The following RSPH9 variants were observed in gnomAD, a reference collection of about 807,000 sequenced individuals.
RSPH9 encodes radial spoke head protein 9 homolog.
A neutral mutation model predicts 27.0 loss-of-function variants in RSPH9; 27 were observed. The observed-to-expected ratio is 1.00, with a 90% CI of 0.74 to 1.38. The LOEUF (loss-of-function observed/expected upper bound fraction) is 1.38, where lower values mean the gene tolerates loss of function less well. RSPH9 is among the 40% of genes most tolerant of loss of function. The probability of loss-of-function intolerance (pLI) is 0.00; values close to 1 mark genes in which losing one functional copy is unlikely to be tolerated. For missense variants in RSPH9, 347 were observed against 357.4 expected, an observed-to-expected ratio of 0.97 and a Z score of 0.24; for synonymous variants, 145 against 147.7, an observed-to-expected ratio of 0.98 and a Z score of 0.13.
chr6:43,658,860 T>C (rs941354375), intron 4 of RSPH9, among the ~76,000 whole-genome samples: 4 of 152,140 alleles, frequency 2.6e-5, no homozygotes, highest in Non-Finnish European at 5.9e-5. Flanking sequence ...AGCTAATTTT[T>C]GTATTTTTAG....
rs1582379576 is a variant in RSPH9 at position 43,650,534 on chromosome 6, A to T, written c.387A>T (p.Glu129Asp). The T allele has an allele frequency of 1.2e-6, 2 of 1,614,066 alleles. No individual in the cohort carries two copies. Among genetic ancestry groups the T allele is most frequent in the Non-Finnish European group, 1.7e-6 (2 of 1,179,966 alleles). The part of the protein sequence containing the change: ...VNEGEKVFEE[E>D]IVVQIKEETR... Reference sequence around the variant, plus strand: ...AAGGTGAAAAAGTCTTTGAAGAAGAAATAGTGGTGAGTGAAGAGGAGAGCA... The same window carrying T: ...AAGGTGAAAAAGTCTTTGAAGAAGATATAGTGGTGAGTGAAGAGGAGAGCA... The change falls in exon 2 of 5, where the codon GAA becomes GAT. Residue 129 changes from glutamate (E) to aspartate (D), a missense_variant. Physicochemically the swap from Glu to Asp is conservative, Grantham distance 45 (BLOSUM62 2). Transcript: ENST00000372163.
At chr6:43,649,120 T>G (rs559096760) in intron 1 of RSPH9, among the ~76,000 whole-genome samples, 1 of 152,144 alleles carries the variant, frequency 6.6e-6, no homozygotes, top group African/African-American at 2.4e-5. Flanking sequence ...CAGCATTTTC[T>G]AGAAGGACAT....
chr6:43,645,356 AG>A (rs777804115), intron 1 of RSPH9, 31 bp downstream of exon 1: 2 of 283,154 alleles, frequency 7.1e-6, no homozygotes, highest in South Asian at 7.9e-5. Flanking sequence ...GGCTCCCCAG[AG>A]GGTGGCTACC....
rs770966097 is a variant in RSPH9 at position 43,645,309 on chromosome 6, C to A, written c.211C>A (p.Arg71Ser). The A allele has an allele frequency of 1.2e-6, 2 of 1,613,040 alleles. No individual in the cohort carries two copies. The highest frequency in any genetic ancestry group is 4.5e-5 in the East Asian group (2 of 44,800). The change falls in exon 1 of 5, where the codon CGC (arginine) becomes AGC (serine). Residue 71 changes from arginine (R) to serine (S), a missense_variant. Arg to Ser is a moderately radical substitution (Grantham distance 110). Transcript: ENST00000372163. ...QGLSEDQLAP[R>S]KTLYSLNCTE... is the part of the protein sequence containing the mutation. ...CCTGAGTGAGGACCAGCTCGCACCG[C>A]GCAAGACGCTCTATAGGTGAGGAGG...
At chr6:43,668,195 CTGGCTGGGCTCAGCCTGTTCAGCAGT>C (rs1773342658) in intron 4 of RSPH9, among the ~76,000 whole-genome samples, 1 of 152,192 alleles carries the variant, frequency 6.6e-6, no homozygotes, top group Admixed American at 6.5e-5. Context: ...GTGACAGCAG[CTGGCTGGGCTCAGCCTGTTCAGCAGT>C]TGCAGTAAGA....
At chr6:43,651,020 C>T (rs148961513) in intron 2 of RSPH9, among the ~76,000 whole-genome samples, 119 of 151,362 alleles carry the variant, frequency 7.9e-4, no homozygotes, top group African/African-American at 2.7e-3. Flanking sequence ...GTCTCAAACT[C>T]CTGGGCTCAA....
chr6:43,670,407 G>C (rs1257717441), intron 4 of RSPH9, among the ~76,000 whole-genome samples: 1 of 152,152 alleles, frequency 6.6e-6, no homozygotes, highest in Non-Finnish European at 1.5e-5. Flanking sequence ...TTTGAGACCA[G>C]CCTGGGCAAC....
At chr6:43,665,602 A>C (rs975311404) in intron 4 of RSPH9, among the ~76,000 whole-genome samples, 3 of 151,954 alleles carry the variant, frequency 2.0e-5, no homozygotes, top group Non-Finnish European at 4.4e-5. Context: ...CCTGATGGTG[A>C]CCTCAGGGCT....
intron 4 of RSPH9, 108 bp downstream of exon 4, chr6:43,656,831 T>C (rs920502479): frequency 1.5e-5 from 20 of 1,305,182 alleles, no homozygotes; most frequent in South Asian, 3.6e-5. Flanking sequence ...CTAGTGGGAA[T>C]TGGTGGTTCA....
At chr6:43,666,143 C>CGA (rs1267102343) in intron 4 of RSPH9, among the ~76,000 whole-genome samples, 13 of 152,124 alleles carry the variant, frequency 8.5e-5, no homozygotes, top group Non-Finnish European at 1.9e-4. Flanking sequence ...ACCTTTTTCT[C>CGA]ACGATGGTTC....
At chr6:43,655,491 G>T in intron 2 of RSPH9, 71 bp from the exon 3 acceptor site, 1 of 1,584,228 alleles carries the variant, frequency 6.3e-7, no homozygotes. Flanking sequence ...AGATGGCCGT[G>T]CAGAGGGACC....
chr6:43,663,115 A>G (rs891856878), intron 4 of RSPH9, among the ~76,000 whole-genome samples: 1 of 152,162 alleles, frequency 6.6e-6, no homozygotes, highest in African/African-American at 2.4e-5. Flanking sequence ...AGCTTCTGAC[A>G]TGCCTTCCTT....
At chr6:43,669,442 G>A (rs1334614471) in intron 4 of RSPH9, among the ~76,000 whole-genome samples, 1 of 152,200 alleles carries the variant, frequency 6.6e-6, no homozygotes, top group African/African-American at 2.4e-5. Flanking sequence ...ATGCAGGGTG[G>A]CCCCCAGTGG....
intron 4 of RSPH9, among the ~76,000 whole-genome samples, chr6:43,663,969 C>T (rs142016360): frequency 0.016 from 2,362 of 147,992 alleles, 60 homozygotes; most frequent in African/African-American, 0.057. Context: ...GCAGAGGTGG[C>T]AGTGAGCCGA....
chr6:43,650,471 A>G lies in RSPH9; in HGVS notation c.324A>G (p.Ser108=), dbSNP rs1355804982. 6.2e-7 allele frequency: 1 copy of G among 1,614,110 alleles called. No individual in the cohort carries two copies. The highest frequency in any genetic ancestry group is 8.5e-7 in the Non-Finnish European group (1 of 1,180,060). ...AGGGCCGCTTCATGGGGGACCCATC[A>G]TACGAATATGAACACACTGAGCTGC... The part of the protein sequence containing the change: ...VVKGRFMGDP[S]YEYEHTELQK... Residue 108 remains serine, a synonymous_variant, in exon 2 of 5, where the codon TCA becomes TCG. Transcript: ENST00000372163.
At chr6:43,650,762 T>A (rs1243944022) in intron 2 of RSPH9, among the ~76,000 whole-genome samples, 2 of 151,824 alleles carry the variant, frequency 1.3e-5, no homozygotes, top group Non-Finnish European at 2.9e-5. Flanking sequence ...AAAAATTAGC[T>A]GGGTGTGGTG....
In RSPH9 at chr6:43,655,988, A is replaced by ACTTGCTTC. The variant is rs745382908; in HGVS notation, c.523+300_523+301insGCTTCCTT. On this transcript the variant is annotated intron_variant, in intron 3 of 4. Coordinates refer to ENST00000372163, the MANE Select transcript of RSPH9 (RefSeq NM_152732.5). ...CTTTTCCTATCTCCTTCCTCCTTGG[A>ACTTGCTTC]CTTCCTTCCTTCCTTCCTTCCTTCC... Among the ~76,000 whole-genome samples, 79 of 113,710 alleles carry ACTTGCTTC rather than the reference A, an allele frequency of 6.9e-4. 4 individuals are homozygous for ACTTGCTTC. The highest frequency in any genetic ancestry group is 2.7e-3 in the African/African-American group (76 of 28,542). 74.6% of individuals were successfully genotyped at this position (113,710 alleles called of 152,430 possible). A position where few individuals can be genotyped will look rare whatever the true frequency, so the allele number is the denominator to read the frequency against.
At chr6:43,669,438 G>C (rs1481217960) in intron 4 of RSPH9, among the ~76,000 whole-genome samples, 1 of 152,192 alleles carries the variant, frequency 6.6e-6, no homozygotes, top group Non-Finnish European at 1.5e-5. Flanking sequence ...TTGGATGCAG[G>C]GTGGCCCCCA....
chr6:43,671,818 G>A lies in RSPH9; in HGVS notation c.*869G>A, dbSNP rs1773713235. 2 of 1,614,082 alleles carry A rather than the reference G, an allele frequency of 1.2e-6. No homozygotes were observed. Among genetic ancestry groups the A allele is most frequent in the African/African-American group, 2.7e-5 (2 of 74,930 alleles). Reference sequence around the variant, plus strand: ...TAGCAGACATTGTCCCTCAGAAGGGGTGACCCCACGGGCATGCGCACCCTG... The same window carrying A: ...TAGCAGACATTGTCCCTCAGAAGGGATGACCCCACGGGCATGCGCACCCTG... On this transcript the variant is annotated 3_prime_UTR_variant, in exon 5 of 5. Transcript: ENST00000372163.
Sources: gnomAD v4.1 joint callset for allele counts (sites outside exome capture counted in the v4.1 genomes callset) on GRCh38, gnomAD v4.1.1 for gene constraint, MANE v1.5 for transcripts, NCBI Gene and HGNC (gene_info 2026-07-23, HGNC 2026-07-21) for gene names.